MALRD1: variants seen among roughly 807,000 people sequenced by gnomAD.
MALRD1 encodes the protein MAM and LDL-receptor class A domain-containing protein 1.
Under a neutral mutation model 242.1 loss-of-function variants are expected in MALRD1, and 247 were observed. The ratio of observed to expected loss-of-function variants is 1.02; its 90% confidence interval spans 0.92 to 1.13. The LOEUF (loss-of-function observed/expected upper bound fraction) is 1.13, where lower values mean the gene tolerates loss of function less well. MALRD1 is among the 50% of genes most tolerant of loss of function. MALRD1 has a pLI of 0.00. For synonymous variants in MALRD1, 995 were observed against 866.6 expected, an observed-to-expected ratio of 1.15 and a Z score of -2.60; for missense variants, 2,989 against 2,533.1, an observed-to-expected ratio of 1.18 and a Z score of -3.86.
chr10:19,667,114 A>G (rs1260024177), intron 36 of MALRD1, among the ~76,000 whole-genome samples: 1 of 152,136 alleles, frequency 6.6e-6, no homozygotes, highest in Non-Finnish European at 1.5e-5. Context: ...CACCCCCAGC[A>G]CTGCCTCTCA....
chr10:19,466,993 C>G (rs1010402882), intron 29 of MALRD1, among the ~76,000 whole-genome samples: 2 of 151,996 alleles, frequency 1.3e-5, no homozygotes, highest in Non-Finnish European at 2.9e-5. Flanking sequence ...TGGCGTCTGT[C>G]TCTCGCTTTC....
At chr10:19,652,745 A>G (rs1217449556) in intron 36 of MALRD1, among the ~76,000 whole-genome samples, 2 of 152,198 alleles carry the variant, frequency 1.3e-5, no homozygotes, top group East Asian at 3.8e-4. Flanking sequence ...CTTTATATAA[A>G]CATTAGGGTT....
rs2131197345 is a variant in MALRD1 at position 19,486,511 on chromosome 10, GT to G, written c.5030-5003del. Reference sequence around the variant, plus strand: ...TATAGCAGCCTTAGAAACCCTAATTGTTTCTTTTCAGTTGATTCCAAAGCTG... The same window carrying G: ...TATAGCAGCCTTAGAAACCCTAATTGTTCTTTTCAGTTGATTCCAAAGCTG... On this transcript the variant is annotated intron_variant, in intron 29 of 39. Coordinates refer to ENST00000454679, the MANE Select transcript of MALRD1 (RefSeq NM_001142308.3). Among the ~76,000 whole-genome samples the G allele has an allele frequency of 2.6e-5, 4 of 152,158 alleles. No homozygotes were observed. The South Asian group carries it at 8.3e-4, about 32-fold the overall frequency.
rs1844208319 is a variant in MALRD1, at chr10:19,348,022, T to TG, written c.4149+8dup. On this transcript the variant is annotated splice_donor_region_variant and intron_variant, in intron 25 of 39. Transcript: ENST00000454679. ...TAAGAGAAGCAAAAACTGCAAGGTA[T>TG]GGGGAAAATCGAACCAACCAACCAA... 1 of 1,548,410 alleles carries TG rather than the reference T, an allele frequency of 6.5e-7. No individual in the cohort carries two copies. Among genetic ancestry groups the TG allele is most frequent in the East Asian group, 2.4e-5 (1 of 40,902 alleles).
At chr10:19,656,099 A>G (rs554573665) in intron 36 of MALRD1, among the ~76,000 whole-genome samples, 25 of 152,280 alleles carry the variant, frequency 1.6e-4, no homozygotes, top group African/African-American at 4.1e-4. Context: ...TAAGTGCTCA[A>G]TTCTTGAAAT....
chr10:19,171,698 G>C (rs2131527648), intron 13 of MALRD1, among the ~76,000 whole-genome samples: 1 of 126,168 alleles, frequency 7.9e-6, no homozygotes, highest in Admixed American at 7.9e-5. Context: ...GTGTGTATGT[G>C]TGTGTATATA....
chr10:19,531,117 T>A (rs1834394795), intron 31 of MALRD1, 77 bp from the exon 32 acceptor site: 2 of 1,214,412 alleles, frequency 1.6e-6, no homozygotes, highest in Non-Finnish European at 2.3e-6. Flanking sequence ...AAAAGATATC[T>A]GTTAATAGTT....
chr10:19,683,195 T>C (rs1416508903), intron 36 of MALRD1, among the ~76,000 whole-genome samples: 2 of 151,840 alleles, frequency 1.3e-5, no homozygotes, highest in African/African-American at 2.4e-5. Flanking sequence ...AAACAGAAAC[T>C]ATGGCAGTCA....
At chr10:19,265,343 T>G (rs1460397713) in intron 19 of MALRD1, among the ~76,000 whole-genome samples, 1 of 152,068 alleles carries the variant, frequency 6.6e-6, no homozygotes, top group African/African-American at 2.4e-5. Flanking sequence ...TCTGAATTTT[T>G]TTTATTTTTT....
chr10:19,317,075 A>T (rs11009431), intron 21 of MALRD1, among the ~76,000 whole-genome samples: 20,650 of 151,116 alleles, frequency 0.14, 1,434 homozygotes, highest in South Asian at 0.16. Context: ...AACTTAAAAA[A>T]TTTTTTTAAA....
intron 18 of MALRD1, among the ~76,000 whole-genome samples, chr10:19,228,126 C>T (rs1837878815): frequency 6.6e-6 from 1 of 152,104 alleles, no homozygotes; most frequent in Non-Finnish European, 1.5e-5. Context: ...AAAACATATC[C>T]GTACCAAGCC....
At chr10:19,283,462 T>A (rs984402457) in intron 21 of MALRD1, among the ~76,000 whole-genome samples, 3 of 152,320 alleles carry the variant, frequency 2.0e-5, no homozygotes, top group African/African-American at 7.2e-5. Flanking sequence ...ATATTGTTTT[T>A]AAAATGATCT....
At chr10:19,264,540 G>A (rs867884132) in intron 19 of MALRD1, among the ~76,000 whole-genome samples, 2 of 149,230 alleles carry the variant, frequency 1.3e-5, no homozygotes, top group Admixed American at 6.8e-5. Flanking sequence ...TGCAAGCTCC[G>A]CCTCCCAGGT....
intron 36 of MALRD1, among the ~76,000 whole-genome samples, chr10:19,627,792 A>AAAAAACAAT (rs1019339788): frequency 1.3e-5 from 2 of 148,826 alleles, no homozygotes; most frequent in African/African-American, 5.1e-5. Flanking sequence ...AAAAAGGAAG[A>AAAAAACAAT]AAAAACAATA....
intron 28 of MALRD1, among the ~76,000 whole-genome samples, chr10:19,449,554 T>A (rs1835202871): frequency 6.6e-6 from 1 of 152,176 alleles, no homozygotes. Context: ...TATGTCATAG[T>A]TATCATCAGA....
At chr10:19,504,724 G>C (rs1259303994) in intron 31 of MALRD1, among the ~76,000 whole-genome samples, 2 of 126,680 alleles carry the variant, frequency 1.6e-5, no homozygotes, top group African/African-American at 3.1e-5. Context: ...CGCCCAGGCC[G>C]GACTGCGGAC....
chr10:19,149,536 A>G (rs1833862926), intron 11 of MALRD1, among the ~76,000 whole-genome samples: 2 of 152,192 alleles, frequency 1.3e-5, no homozygotes, highest in Non-Finnish European at 2.9e-5. Flanking sequence ...TAGTAGATAC[A>G]TACATATTCA....
chr10:19,718,715 A>G (rs574822235), intron 38 of MALRD1, among the ~76,000 whole-genome samples: 2 of 152,336 alleles, frequency 1.3e-5, no homozygotes, highest in South Asian at 4.1e-4. Flanking sequence ...AAGTACATGC[A>G]TCGTCATTTA....
At chr10:19,172,327 G>A (rs1376699471) in intron 13 of MALRD1, among the ~76,000 whole-genome samples, 1 of 151,170 alleles carries the variant, frequency 6.6e-6, no homozygotes, top group African/African-American at 2.4e-5. Context: ...TTTTTTGAAG[G>A]AAGTAATTGC....
Sources: gnomAD v4.1 joint callset for allele counts (sites outside exome capture counted in the v4.1 genomes callset) on GRCh38, gnomAD v4.1.1 for gene constraint, MANE v1.5 for transcripts, NCBI Gene and HGNC (gene_info 2026-07-23, HGNC 2026-07-21) for gene names.